SCD5: variants seen among roughly 807,000 people sequenced by gnomAD.
The protein encoded by SCD5 is stearoyl-CoA desaturase 5.
Under a neutral mutation model 30.4 loss-of-function variants are expected in SCD5, and 20 were observed. The observed-to-expected ratio is 0.66, with a 90% CI of 0.46 to 0.96. The LOEUF is 0.96. Ranked by LOEUF, SCD5 falls within the 40% of genes least tolerant of loss-of-function variation. SCD5 has a pLI of 0.00. For synonymous variants in SCD5, 173 were observed against 176.4 expected, an observed-to-expected ratio of 0.98 and a Z score of 0.16; for missense variants, 381 against 443.3, an observed-to-expected ratio of 0.86 and a Z score of 1.26.
intron 1 of SCD5, among the ~76,000 whole-genome samples, chr4:82,769,400 A>G (rs892746896): frequency 4.6e-5 from 7 of 152,216 alleles, no homozygotes; most frequent in Non-Finnish European, 8.8e-5. Flanking sequence ...TTAGCCAAGT[A>G]GGTAGTGTTT....
chr4:82,671,699 G>A (rs1728327049), intron 3 of SCD5, among the ~76,000 whole-genome samples: 1 of 152,140 alleles, frequency 6.6e-6, no homozygotes, highest in Non-Finnish European at 1.5e-5. Context: ...ACAACATGGT[G>A]AAACCCTGTC....
intron 1 of SCD5, among the ~76,000 whole-genome samples, chr4:82,715,570 G>A (rs12498940): frequency 0.11 from 16,899 of 151,588 alleles, 1,134 homozygotes; most frequent in Admixed American, 0.17. Context: ...CCATTCTGGC[G>A]CCAGGCTACC....
At chr4:82,726,585 C>G (rs1011173903) in intron 1 of SCD5, among the ~76,000 whole-genome samples, 2 of 149,842 alleles carry the variant, frequency 1.3e-5, no homozygotes, top group African/African-American at 5.0e-5. Context: ...TAGAGACCTG[C>G]ACTAAGTAAT....
At chr4:82,648,969 A>G (rs558544417) in intron 3 of SCD5, among the ~76,000 whole-genome samples, 29 of 152,312 alleles carry the variant, frequency 1.9e-4, no homozygotes, top group Admixed American at 7.8e-4. Flanking sequence ...GCAAAAATGT[A>G]TATCATTCTG....
intron 3 of SCD5, among the ~76,000 whole-genome samples, chr4:82,640,883 G>A (rs1443679125): frequency 6.6e-6 from 1 of 152,136 alleles, no homozygotes; most frequent in African/African-American, 2.4e-5. Context: ...TAGGGAGGAG[G>A]GCTGGAGAGG....
At chr4:82,773,897 C>G (rs895306260) in intron 1 of SCD5, among the ~76,000 whole-genome samples, 7 of 152,022 alleles carry the variant, frequency 4.6e-5, no homozygotes, top group Non-Finnish European at 4.4e-5. Context: ...TGAGACCAGC[C>G]TAGCCAATAT....
chr4:82,636,918 G>A (rs1295120085), intron 3 of SCD5, 95 bp from the exon 4 acceptor site: 6 of 1,065,866 alleles, frequency 5.6e-6, no homozygotes, highest in Non-Finnish European at 8.1e-6. Context: ...AAAGCCCAGG[G>A]AGAGAACTGT....
At position 82,730,737 on chromosome 4, in the gene SCD5, C is replaced by G. The variant is rs186337542; in HGVS notation, c.233-25324G>C. On this transcript the variant is annotated intron_variant, in intron 1 of 4. Transcript: ENST00000319540. ...AGTAGCTGGGACTACAGGCACCCAC[C>G]ACCACGCCCGGCTAATTTTTTGTAT... is the stretch of plus-strand genomic sequence containing the variant. 3.1e-3 allele frequency among the ~76,000 whole-genome samples: 470 copies of G among 151,978 alleles called. 1 individual carries two copies. The highest frequency in any genetic ancestry group is 0.011 in the African/African-American group (454 of 41,428).
intron 3 of SCD5, among the ~76,000 whole-genome samples, chr4:82,671,159 A>G (rs1728312173): frequency 6.6e-6 from 1 of 152,204 alleles, no homozygotes; most frequent in Non-Finnish European, 1.5e-5. Context: ...ACATTACGTA[A>G]CGATATAGGG....
chr4:82,722,637 G>T (rs56756960), intron 1 of SCD5, among the ~76,000 whole-genome samples: 8,058 of 138,942 alleles, frequency 0.058, 730 homozygotes, highest in African/African-American at 0.22. Context: ...GTGGTGGCAG[G>T]TGCCTCTAAT....
At chr4:82,635,079 A>G (rs767918025) in intron 4 of SCD5, among the ~76,000 whole-genome samples, 1 of 152,224 alleles carries the variant, frequency 6.6e-6, no homozygotes, top group African/African-American at 2.4e-5. Flanking sequence ...GACCATTTCT[A>G]CTTAACAGTA....
At position 82,753,310 on chromosome 4, in the gene SCD5, G is replaced by T. The variant is rs774288694; in HGVS notation, c.232+44996C>A. 5.7e-6 allele frequency: 3 copies of T among 522,184 alleles called. No homozygotes were observed. The African/African-American group carries it at 5.8e-5, about 10-fold the overall frequency. 32.3% of individuals were successfully genotyped at this position (522,184 alleles called of 1,614,324 possible). Reference sequence around the variant, plus strand: ...ATGTGTGTTAAAAGCTCCCTGGGGTGGGGGTGGGGGGTTCTGTGTATGGCC... The same window carrying T: ...ATGTGTGTTAAAAGCTCCCTGGGGTTGGGGTGGGGGGTTCTGTGTATGGCC... On this transcript the variant is annotated intron_variant, in intron 1 of 4. Transcript: ENST00000319540.
At chr4:82,654,107 GGGTTTCACC>G (rs1727819551) in intron 3 of SCD5, among the ~76,000 whole-genome samples, 1 of 152,054 alleles carries the variant, frequency 6.6e-6, no homozygotes. Context: ...TGTAGAGACG[GGGTTTCACC>G]ATGTTGGTCA....
chr4:82,637,601 A>G (rs1268794624), intron 3 of SCD5, among the ~76,000 whole-genome samples: 2 of 152,252 alleles, frequency 1.3e-5, no homozygotes, highest in Non-Finnish European at 1.5e-5. Context: ...CCCTCTTGCC[A>G]TGCAGGATTG....
chr4:82,738,124 A>G (rs1159179266), intron 1 of SCD5, among the ~76,000 whole-genome samples: 3 of 152,196 alleles, frequency 2.0e-5, no homozygotes, highest in African/African-American at 7.2e-5. Flanking sequence ...TTTCTACCTG[A>G]AAAAAAGTTA....
At chr4:82,677,184 G>A (rs1479705050) in intron 3 of SCD5, among the ~76,000 whole-genome samples, 1 of 152,218 alleles carries the variant, frequency 6.6e-6, no homozygotes, top group East Asian at 1.9e-4. Context: ...GAGGCACTTA[G>A]CTGATTGATC....
intron 3 of SCD5, among the ~76,000 whole-genome samples, chr4:82,668,876 T>A (rs1015998831): frequency 2.0e-5 from 3 of 152,244 alleles, no homozygotes; most frequent in Non-Finnish European, 4.4e-5. Flanking sequence ...GGATGTCTCA[T>A]CATCCAGGGT....
intron 3 of SCD5, among the ~76,000 whole-genome samples, chr4:82,662,753 GGGAGGCTGAGGCA>G (rs1386889887): frequency 1.3e-5 from 2 of 151,456 alleles, no homozygotes; most frequent in Non-Finnish European, 1.5e-5. Flanking sequence ...CCAGCTACTT[GGGAGGCTGAGGCA>G]GGAGAATCTC....
intron 1 of SCD5, among the ~76,000 whole-genome samples, chr4:82,713,980 C>A (rs1487764689): frequency 2.0e-5 from 3 of 152,178 alleles, no homozygotes; most frequent in African/African-American, 7.2e-5. Context: ...TCTATGATCG[C>A]TACATGACTG....
Sources: gnomAD v4.1 joint callset for allele counts (sites outside exome capture counted in the v4.1 genomes callset) on GRCh38, gnomAD v4.1.1 for gene constraint, MANE v1.5 for transcripts, NCBI Gene and HGNC (gene_info 2026-07-23, HGNC 2026-07-21) for gene names.